CD163L1: variants seen among roughly 807,000 people sequenced by gnomAD.
CD163L1 encodes the protein scavenger receptor cysteine-rich type 1 protein M160.
In CD163L1, 124 loss-of-function variants were observed where a neutral mutation model predicts 165.4. That is an observed-to-expected ratio of 0.75 (90% CI 0.65 to 0.87). CD163L1 has a LOEUF of 0.87. Ranked by LOEUF, CD163L1 falls within the 40% of genes least tolerant of loss-of-function variation. The probability of loss-of-function intolerance (pLI) is 0.00; values close to 1 mark genes in which losing one functional copy is unlikely to be tolerated. For missense variants in CD163L1, 1,525 were observed against 1,799.9 expected, an observed-to-expected ratio of 0.85 and a Z score of 2.76; for synonymous variants, 585 against 662.2, an observed-to-expected ratio of 0.88 and a Z score of 1.79.
chr12:7,321,549 C>T, the CD163L1 span, among the ~76,000 whole-genome samples: 2 of 152,176 alleles, frequency 1.3e-5, no homozygotes, highest in Admixed American at 6.5e-5. Flanking sequence ...TCCTATGTCA[C>T]GGCCTTTGAA....
At chr12:7,351,148 T>C (rs765076730), downstream of CD163L1, among the ~76,000 whole-genome samples, 2 of 152,148 alleles carry the variant, frequency 1.3e-5, no homozygotes, top group African/African-American at 2.4e-5. Flanking sequence ...TAAATGGATA[T>C]ATAGATGGAT....
intron 4 of CD163L1, among the ~76,000 whole-genome samples, chr12:7,415,324 G>C (rs1415902973): frequency 6.6e-6 from 1 of 151,796 alleles, no homozygotes. Context: ...ACACACCAAA[G>C]ATAAAGAGAA....
chr12:7,335,108 C>T, the CD163L1 span, among the ~76,000 whole-genome samples: 1 of 152,136 alleles, frequency 6.6e-6, no homozygotes, highest in African/African-American at 2.4e-5. Flanking sequence ...ATCAAGCTAC[C>T]AATGACTTTC....
At chr12:7,318,954 C>T in the CD163L1 span, among the ~76,000 whole-genome samples, 1,102 of 152,282 alleles carry the variant, frequency 7.2e-3, 16 homozygotes, top group African/African-American at 0.025. Flanking sequence ...ACAATTTTCC[C>T]ATGGACTAGG....
At position 7,432,677 on chromosome 12, in the gene CD163L1, C is replaced by T. The variant is rs1388041772; in HGVS notation, c.505G>A (p.Glu169Lys). 8 of 1,614,044 alleles carry T rather than the reference C, an allele frequency of 5.0e-6. No individual in the cohort carries two copies. The highest frequency in any genetic ancestry group is 6.8e-6 in the Non-Finnish European group (8 of 1,180,008). ...CCCCACCTTTCTTGGAATTTCACCT[C>T]CACTCTCCCTGAACAGGAGTTGTTT... ...DGNNSCSGRVEVKFQERWGTI... is the reference protein window; with the variant it reads ...DGNNSCSGRVKVKFQERWGTI... Residue 169 changes from glutamate (E) to lysine (K), a missense_variant, in exon 4 of 20, where the codon GAG (glutamate) becomes AAG (lysine). Physicochemically the swap from Glu to Lys is moderately conservative, Grantham distance 56. Coordinates refer to ENST00000313599, the MANE Select transcript of CD163L1 (RefSeq NM_174941.6). This position sits in a 1 kb window ranked among gnomAD's most constrained non-coding sequence, Gnocchi z 4.2.
In CD163L1 at chr12:7,374,690, T is replaced by G; in HGVS notation, c.3161A>C (p.Asp1054Ala). The G allele has an allele frequency of 6.2e-7, 1 of 1,614,200 alleles. No individual in the cohort carries two copies. Among genetic ancestry groups the G allele is most frequent in the Non-Finnish European group, 8.5e-7 (1 of 1,180,032 alleles). Residue 1054 changes from aspartate (D) to alanine (A), a missense_variant, in exon 13 of 20, where the codon GAC becomes GCC. Physicochemically the swap from Asp to Ala is moderately radical, Grantham distance 126. Transcript: ENST00000313599. This position sits in a 1 kb window ranked among gnomAD's most constrained non-coding sequence, Gnocchi z 5.4. Reference sequence around the variant, plus strand: ...ATCACAGATGGTGCCCCAGAAGCCGTCGTGATAGATCTCTACTCTCCCGGC... The same window carrying G: ...ATCACAGATGGTGCCCCAGAAGCCGGCGTGATAGATCTCTACTCTCCCGGC... ...RCAGRVEIYH[D>A]GFWGTICDDG...
intron 4 of CD163L1, among the ~76,000 whole-genome samples, chr12:7,409,960 A>G (rs1439024003): frequency 2.0e-5 from 3 of 152,222 alleles, no homozygotes; most frequent in Admixed American, 6.5e-5. Context: ...GTGAATTACC[A>G]GAAATAGACT....
At chr12:7,365,865 A>G (rs1947007571) in intron 18 of CD163L1, among the ~76,000 whole-genome samples, 2 of 152,120 alleles carry the variant, frequency 1.3e-5, no homozygotes, top group African/African-American at 4.8e-5. Context: ...TGCCTCAAAA[A>G]ACTAAAGATA....
intron 4 of CD163L1, among the ~76,000 whole-genome samples, chr12:7,424,976 A>G (rs1030041002): frequency 2.6e-5 from 4 of 152,222 alleles, no homozygotes; most frequent in African/African-American, 9.6e-5. Context: ...ACAGAACTAG[A>G]AAAAACTACG....
chr12:7,404,776 T>C (rs895043322), intron 5 of CD163L1, among the ~76,000 whole-genome samples: 3 of 152,214 alleles, frequency 2.0e-5, no homozygotes, highest in African/African-American at 4.8e-5. Context: ...GTCATAATGA[T>C]AGTTCTCAAC....
intron 4 of CD163L1, among the ~76,000 whole-genome samples, chr12:7,410,723 G>A (rs1393382504): frequency 2.0e-5 from 3 of 151,442 alleles, no homozygotes; most frequent in South Asian, 2.1e-4. Context: ...CCAGCTACTC[G>A]GGAGGCTGAG....
rs117289332 is a variant in CD163L1, at chr12:7,347,498, G to A, written c.*25-351C>T. Reference sequence around the variant, plus strand: ...TTCTAAGGTAAAAAGGAATGGTCTCGGCCGGGCGCGGTGGCTCACGCTTGT... The same window carrying A: ...TTCTAAGGTAAAAAGGAATGGTCTCAGCCGGGCGCGGTGGCTCACGCTTGT... On this transcript the variant is annotated intron_variant, in intron 4 of 4. Coordinates refer to the CD163L1 transcript ENST00000539726. The surrounding 1 kb of genome is among the most constrained non-coding windows in gnomAD (Gnocchi z 4.2). 2.1e-3 allele frequency among the ~76,000 whole-genome samples: 321 copies of A among 152,162 alleles called. 1 individual carries two copies. Among genetic ancestry groups the A allele is most frequent in the Non-Finnish European group, 3.6e-3 (242 of 68,008 alleles).
chr12:7,382,466 GAGAA>G (rs1362134661), intron 8 of CD163L1, among the ~76,000 whole-genome samples: 3 of 152,194 alleles, frequency 2.0e-5, no homozygotes, highest in Non-Finnish European at 4.4e-5. Flanking sequence ...GGCACAGAGA[GAGAA>G]AGAAGTGAAG....
chr12:7,349,649 C>T (rs1433177149), intron 4 of CD163L1, among the ~76,000 whole-genome samples: 1 of 152,114 alleles, frequency 6.6e-6, no homozygotes, highest in Non-Finnish European at 1.5e-5. Flanking sequence ...GTGGAGCGAG[C>T]GGGCAGATAC....
rs1948827369 is a variant in CD163L1 at position 7,441,223 on chromosome 12, G to C, written c.55C>G (p.Gln19Glu). The change falls in exon 2 of 20, where the codon CAG (glutamine) becomes GAG (glutamate). Residue 19 changes from glutamine to glutamate, a missense_variant. Gln to Glu is a conservative substitution (Grantham distance 29, BLOSUM62 2). Coordinates refer to ENST00000313599, the MANE Select transcript of CD163L1 (RefSeq NM_174941.6). ...GTTACCACAGCAGAGAAAAGGTTCT[G>C]ATGACAGCAGCATCTTCCAAAATCT... ...HIDFGRCCCH[Q>E]NLFSAVVTCI... The C allele has an allele frequency of 1.2e-6, 2 of 1,614,020 alleles. No individual in the cohort carries two copies. Among genetic ancestry groups the C allele is most frequent in the African/African-American group, 1.3e-5 (1 of 75,064 alleles).
chr12:7,404,729 G>A (rs190578473), intron 5 of CD163L1, among the ~76,000 whole-genome samples: 20 of 152,156 alleles, frequency 1.3e-4, no homozygotes, highest in Non-Finnish European at 1.9e-4. Flanking sequence ...GTTAGTCTTC[G>A]GAGATTTGGA....
the CD163L1 span, chr12:7,324,479 A>G: frequency 6.2e-7 from 1 of 1,613,952 alleles, no homozygotes; most frequent in African/African-American, 1.3e-5. Flanking sequence ...TGGTGGTCAA[A>G]AACTTCTTTT....
chr12:7,411,152 C>T (rs1263833666), intron 4 of CD163L1, among the ~76,000 whole-genome samples: 6 of 152,012 alleles, frequency 3.9e-5, no homozygotes, highest in Admixed American at 3.9e-4. Context: ...ACCTTCCAGA[C>T]ATTAAAAGGA....
At chr12:7,422,096 A>C (rs1235523806) in intron 4 of CD163L1, among the ~76,000 whole-genome samples, 1 of 152,162 alleles carries the variant, frequency 6.6e-6, no homozygotes, top group Non-Finnish European at 1.5e-5. Context: ...AGGAAAGAGC[A>C]GGCAGCAATA....
Sources: gnomAD v4.1 joint callset for allele counts (sites outside exome capture counted in the v4.1 genomes callset) on GRCh38, gnomAD v4.1.1 for gene constraint, Gnocchi (gnomAD v3.1) non-coding constraint, MANE v1.5 for transcripts, NCBI Gene and HGNC (gene_info 2026-07-23, HGNC 2026-07-21) for gene names.